Variants in FOXP2 observed in about 807,000 individuals in gnomAD.
FOXP2 encodes forkhead box P2.
FOXP2 carries 12 observed loss-of-function variants against 115.8 expected under a neutral mutation model. That is an observed-to-expected ratio of 0.10 (90% CI 0.07 to 0.17). The LOEUF (loss-of-function observed/expected upper bound fraction) is 0.17, where lower values mean the gene tolerates loss of function less well. Ranked by LOEUF, FOXP2 falls within the 10% of genes least tolerant of loss-of-function variation. The pLI is 1.00. For synonymous variants in FOXP2, 328 were observed against 297.7 expected, an observed-to-expected ratio of 1.10 and a Z score of -1.05; for missense variants, 629 against 843.5, an observed-to-expected ratio of 0.75 and a Z score of 3.15.
intron 2 of FOXP2, among the ~76,000 whole-genome samples, chr7:114,328,160 C>A (rs1477419070): frequency 2.6e-5 from 4 of 151,620 alleles, no homozygotes; most frequent in African/African-American, 7.3e-5. Flanking sequence ...CTCAAATGAG[C>A]CTCCTATCCC....
chr7:114,111,338 T>A (rs1791262812), intron 1 of FOXP2, among the ~76,000 whole-genome samples: 1 of 152,008 alleles, frequency 6.6e-6, no homozygotes, highest in Admixed American at 6.6e-5. Flanking sequence ...AGATTAAAGA[T>A]CACGTGGAGA....
At chr7:114,237,443 ATTGCC>A (rs1795039182) in intron 1 of FOXP2, among the ~76,000 whole-genome samples, 1 of 152,202 alleles carries the variant, frequency 6.6e-6, no homozygotes, top group Admixed American at 6.5e-5. Flanking sequence ...TGAATACTGA[ATTGCC>A]ATGCAAGTAA....
At chr7:114,297,670 G>C (rs1796776805) in intron 2 of FOXP2, among the ~76,000 whole-genome samples, 1 of 152,098 alleles carries the variant, frequency 6.6e-6, no homozygotes, top group Non-Finnish European at 1.5e-5. Context: ...AGCTGCTTTA[G>C]TTCTTGACCA....
chr7:114,519,900 T>C (rs1053143057), intron 2 of FOXP2, among the ~76,000 whole-genome samples: 1 of 152,172 alleles, frequency 6.6e-6, no homozygotes, highest in Non-Finnish European at 1.5e-5. Flanking sequence ...ATAAGCATTC[T>C]TTCACATGTT....
intron 2 of FOXP2, among the ~76,000 whole-genome samples, chr7:114,321,510 T>A (rs1370150219): frequency 6.6e-6 from 1 of 152,136 alleles, no homozygotes; most frequent in Non-Finnish European, 1.5e-5. Flanking sequence ...TAGTAACTTT[T>A]AAATAAAGTT....
At chr7:114,423,170 G>A (rs775824105) in intron 1 of FOXP2, among the ~76,000 whole-genome samples, 4 of 151,650 alleles carry the variant, frequency 2.6e-5, no homozygotes, top group Non-Finnish European at 5.9e-5. Context: ...TCATTCTTGC[G>A]TAAACCTGCA....
At chr7:114,501,797 A>G (rs917201637) in intron 2 of FOXP2, among the ~76,000 whole-genome samples, 4 of 152,080 alleles carry the variant, frequency 2.6e-5, no homozygotes, top group African/African-American at 7.2e-5. Context: ...TTATTTTTAA[A>G]TTGATCTTTT....
At chr7:114,484,435 C>T (rs779860781) in intron 2 of FOXP2, among the ~76,000 whole-genome samples, 3 of 151,698 alleles carry the variant, frequency 2.0e-5, no homozygotes, top group Non-Finnish European at 4.4e-5. Flanking sequence ...GGTCAAATGG[C>T]CAGTATATCC....
chr7:114,655,749 G>T (rs564477159), intron 10 of FOXP2, among the ~76,000 whole-genome samples: 1 of 152,228 alleles, frequency 6.6e-6, no homozygotes, highest in Non-Finnish European at 1.5e-5. Context: ...AAGGAGAAAT[G>T]AGCTCTGTTG....
At chr7:114,533,936 A>C (rs957621144) in intron 2 of FOXP2, among the ~76,000 whole-genome samples, 2 of 151,928 alleles carry the variant, frequency 1.3e-5, no homozygotes, top group African/African-American at 4.8e-5. Flanking sequence ...ACATAAAAAT[A>C]AATGAAAACA....
chr7:114,289,763 T>C (rs1432342820), intron 2 of FOXP2, among the ~76,000 whole-genome samples: 2 of 152,048 alleles, frequency 1.3e-5, no homozygotes, highest in East Asian at 3.9e-4. Context: ...AGTGGCAGTT[T>C]TTAAATATTT....
chr7:114,659,302 T>G, intron 11 of FOXP2, 54 bp from the exon 12 acceptor site: 1 of 1,260,022 alleles, frequency 7.9e-7, no homozygotes, highest in Non-Finnish European at 1.2e-6. Flanking sequence ...GAAAATTCAA[T>G]TATATATAAT....
chr7:114,608,368 T>C (rs1376549999), intron 3 of FOXP2, among the ~76,000 whole-genome samples: 1 of 152,140 alleles, frequency 6.6e-6, no homozygotes, highest in East Asian at 1.9e-4. Flanking sequence ...ATAGCTAATA[T>C]GATTGAGGTC....
chr7:114,455,053 C>G (rs1795247909), intron 2 of FOXP2, among the ~76,000 whole-genome samples: 1 of 151,910 alleles, frequency 6.6e-6, no homozygotes, highest in African/African-American at 2.4e-5. Context: ...TGATGTTTCC[C>G]TAATCCTACT....
chr7:114,125,944 A>G (rs1488051154), intron 1 of FOXP2, among the ~76,000 whole-genome samples: 1 of 152,168 alleles, frequency 6.6e-6, no homozygotes, highest in East Asian at 1.9e-4. Flanking sequence ...AGTGAAATTA[A>G]TGTAAGATGA....
chr7:114,474,347 A>G (rs192178205), intron 2 of FOXP2, among the ~76,000 whole-genome samples: 1 of 152,306 alleles, frequency 6.6e-6, no homozygotes, highest in Non-Finnish European at 1.5e-5. Flanking sequence ...GGCATATGTA[A>G]CTTATACAAA....
At chr7:114,370,133 G>C (rs1427541500) in intron 2 of FOXP2, among the ~76,000 whole-genome samples, 25 of 152,142 alleles carry the variant, frequency 1.6e-4, no homozygotes, top group Admixed American at 1.6e-3. Flanking sequence ...TTAGAAATTT[G>C]ATTAAGTTCT....
At chr7:114,517,514 T>G (rs1008369772) in intron 2 of FOXP2, among the ~76,000 whole-genome samples, 9 of 152,212 alleles carry the variant, frequency 5.9e-5, no homozygotes, top group Non-Finnish European at 4.4e-5. Context: ...GGGTTCAATT[T>G]CGTTCTGCAT....
chr7:114,315,906 G>A (rs1427069738), intron 2 of FOXP2, among the ~76,000 whole-genome samples: 3 of 152,110 alleles, frequency 2.0e-5, no homozygotes, highest in Non-Finnish European at 4.4e-5. Flanking sequence ...CCTGAGAAAA[G>A]CTTATTTAAC....
Sources: allele counts gnomAD v4.1 joint callset (sites outside exome capture counted in the v4.1 genomes callset), GRCh38; gene constraint gnomAD v4.1.1; transcripts MANE v1.5; gene names NCBI Gene and HGNC (gene_info 2026-07-23, HGNC 2026-07-21).